Variants in RTN4RL1 observed in about 807,000 individuals in gnomAD.
The protein encoded by RTN4RL1 is reticulon-4 receptor-like 1.
Under a neutral mutation model 25.6 loss-of-function variants are expected in RTN4RL1, and 7 were observed. That is an observed-to-expected ratio of 0.27 (90% CI 0.16 to 0.51). The LOEUF is 0.51. Ranked by LOEUF, RTN4RL1 falls within the 20% of genes least tolerant of loss-of-function variation. RTN4RL1 has a pLI of 0.97. For synonymous variants in RTN4RL1, 297 were observed against 288.2 expected (o/e 1.03, Z -0.31); for missense variants, 500 against 615.6 (o/e 0.81, Z 1.99).
At chr17:2,007,544 G>C (rs547164974) in intron 1 of RTN4RL1, among the ~76,000 whole-genome samples, 2 of 152,290 alleles carry the variant, frequency 1.3e-5, no homozygotes, top group African/African-American at 4.8e-5. Flanking sequence ...AACTCACAAA[G>C]TGGGTAGGCC....
At chr17:1,956,146 G>A (rs960994231) in intron 1 of RTN4RL1, among the ~76,000 whole-genome samples, 1 of 152,024 alleles carries the variant, frequency 6.6e-6, no homozygotes, top group East Asian at 1.9e-4. Flanking sequence ...CAGCTCTCAG[G>A]GGGTCTCTAT....
intron 1 of RTN4RL1, among the ~76,000 whole-genome samples, chr17:2,017,413 C>T (rs2151329429): frequency 6.6e-6 from 1 of 152,342 alleles, no homozygotes; most frequent in South Asian, 2.1e-4. Flanking sequence ...TGCCCACCCA[C>T]CCCCTGTGAG....
At chr17:1,991,701 T>C (rs2066909702) in intron 1 of RTN4RL1, among the ~76,000 whole-genome samples, 1 of 152,180 alleles carries the variant, frequency 6.6e-6, no homozygotes, top group African/African-American at 2.4e-5. Flanking sequence ...ATCCACCCCA[T>C]CTCAGTGCAC....
At chr17:1,958,206 A>G (rs1424732425) in intron 1 of RTN4RL1, among the ~76,000 whole-genome samples, 1 of 152,148 alleles carries the variant, frequency 6.6e-6, no homozygotes, top group African/African-American at 2.4e-5. Context: ...AAAAACAAAA[A>G]TAAAACCAAA....
chr17:1,975,810 A>T (rs1173364275), intron 1 of RTN4RL1, among the ~76,000 whole-genome samples: 1 of 152,178 alleles, frequency 6.6e-6, no homozygotes. Flanking sequence ...ATTCTGACAC[A>T]GTTTCTTTCA....
intron 1 of RTN4RL1, among the ~76,000 whole-genome samples, chr17:1,985,071 C>T (rs747121545): frequency 1.3e-4 from 20 of 152,230 alleles, no homozygotes; most frequent in Non-Finnish European, 2.6e-4. Flanking sequence ...ATTTCATTCT[C>T]TCAATGACCC....
At chr17:2,017,116 C>G (rs946804054) in intron 1 of RTN4RL1, among the ~76,000 whole-genome samples, 13 of 152,190 alleles carry the variant, frequency 8.5e-5, no homozygotes, top group Non-Finnish European at 1.8e-4. Context: ...TCATGAATCT[C>G]TCAACATAAG....
chr17:1,967,333 T>A (rs563378629), intron 1 of RTN4RL1, among the ~76,000 whole-genome samples: 276 of 152,336 alleles, frequency 1.8e-3, no homozygotes, highest in African/African-American at 6.2e-3. Context: ...CCAAGGCTTC[T>A]GACAGCTGCC....
chr17:1,982,927 G>T (rs1423399832), intron 1 of RTN4RL1, among the ~76,000 whole-genome samples: 2 of 152,224 alleles, frequency 1.3e-5, no homozygotes, highest in East Asian at 3.8e-4. Flanking sequence ...TCCTTGAAGG[G>T]CTGGGTTTTC....
chr17:2,000,878 C>T (rs2066953968), intron 1 of RTN4RL1, among the ~76,000 whole-genome samples: 1 of 152,014 alleles, frequency 6.6e-6, no homozygotes, highest in South Asian at 2.1e-4. Flanking sequence ...CAAATCATGC[C>T]ACCCAGCCTC....
rs991996512 is a variant in RTN4RL1, at chr17:1,935,421, A to T, written c.*1075T>A. The T allele has an allele frequency of 4.7e-6, 2 of 422,634 alleles. No individual in the cohort carries two copies. The highest frequency in any genetic ancestry group is 6.3e-6 in the Non-Finnish European group (2 of 315,392). 26.2% of individuals were successfully genotyped at this position (422,634 alleles called of 1,614,324 possible). A position where few individuals can be genotyped will look rare whatever the true frequency, so the allele number is the denominator to read the frequency against. ...AGACAGGCTTGTGTTGCATATAAAAACAAGGTGATGCTCTAAATATCTAAG... is the reference window on the plus strand; with the variant it reads ...AGACAGGCTTGTGTTGCATATAAAATCAAGGTGATGCTCTAAATATCTAAG... On this transcript the variant is annotated 3_prime_UTR_variant, in exon 2 of 2. Transcript: ENST00000331238.
intron 1 of RTN4RL1, among the ~76,000 whole-genome samples, chr17:1,941,404 G>C (rs1160875609): frequency 6.6e-6 from 1 of 152,156 alleles, no homozygotes; most frequent in Non-Finnish European, 1.5e-5. Context: ...AAGACCCAGG[G>C]CAGGAACCCT....
intron 1 of RTN4RL1, among the ~76,000 whole-genome samples, chr17:1,948,498 C>G (rs577395771): frequency 5.3e-5 from 8 of 152,300 alleles, no homozygotes; most frequent in Admixed American, 3.9e-4. Flanking sequence ...GCCAACTGCC[C>G]CTCCCCCAAA....
intron 1 of RTN4RL1, among the ~76,000 whole-genome samples, chr17:1,979,043 C>T (rs944895795): frequency 2.6e-5 from 4 of 152,220 alleles, no homozygotes; most frequent in Non-Finnish European, 5.9e-5. Flanking sequence ...GACGCCTAGG[C>T]GAGTGCATCA....
At chr17:2,005,528 G>C (rs1027038613) in intron 1 of RTN4RL1, among the ~76,000 whole-genome samples, 5 of 152,186 alleles carry the variant, frequency 3.3e-5, no homozygotes, top group Non-Finnish European at 7.3e-5. Flanking sequence ...TGATGAGGAG[G>C]AAGCTTCCAT....
In RTN4RL1 at chr17:1,992,420, A is replaced by G. The variant is rs140509308; in HGVS notation, c.13+32433T>C. Among the ~76,000 whole-genome samples the G allele has an allele frequency of 5.0e-3, 768 of 152,150 alleles. 4 individuals are homozygous for G. Among genetic ancestry groups the G allele is most frequent in the African/African-American group, 0.017 (715 of 41,524 alleles). ...AAAGAGTCCTTCTCTGGGTTCAGAGAGAACCAACTTGTGTGGCTGGGGACT... is the reference window on the plus strand; with the variant it reads ...AAAGAGTCCTTCTCTGGGTTCAGAGGGAACCAACTTGTGTGGCTGGGGACT... On this transcript the variant is annotated intron_variant, in intron 1 of 1. Coordinates refer to ENST00000331238, the MANE Select transcript of RTN4RL1 (RefSeq NM_178568.4).
At chr17:1,961,395 A>C (rs570111275) in intron 1 of RTN4RL1, among the ~76,000 whole-genome samples, 1 of 152,256 alleles carries the variant, frequency 6.6e-6, no homozygotes, top group East Asian at 1.9e-4. Context: ...CGAGAGAGGG[A>C]GACAGCAGTC....
intron 1 of RTN4RL1, among the ~76,000 whole-genome samples, chr17:1,989,794 G>A (rs969891664): frequency 2.0e-5 from 3 of 151,770 alleles, no homozygotes; most frequent in Non-Finnish European, 2.9e-5. Flanking sequence ...GGCTGGTCTC[G>A]AACTCCTGAC....
At position 2,024,919 on chromosome 17, in the gene RTN4RL1, G is replaced by A. The variant is rs2067253165; in HGVS notation, c.-54C>T. 6 of 1,545,570 alleles carry A rather than the reference G, an allele frequency of 3.9e-6. No individual in the cohort carries two copies. The highest frequency in any genetic ancestry group is 3.8e-5 in the Admixed American group (2 of 52,112). On this transcript the variant is annotated 5_prime_UTR_variant, in exon 1 of 2. Transcript: ENST00000331238. The stretch of plus-strand genomic sequence containing the variant: ...CGGCCTAGGCGCACTCCCTCCCGGG[G>A]TCCAGATTCAAATCCCTGGGCGCCA...
Sources: allele counts gnomAD v4.1 joint callset (sites outside exome capture counted in the v4.1 genomes callset), GRCh38; gene constraint gnomAD v4.1.1; transcripts MANE v1.5; gene names NCBI Gene and HGNC (gene_info 2026-07-23, HGNC 2026-07-21).